The following RTF2 variants were observed in gnomAD, a reference collection of about 807,000 sequenced individuals.
RTF2 encodes UPF0549 protein C20orf43.
A neutral mutation model predicts 38.0 loss-of-function variants in RTF2; 18 were observed. That is an observed-to-expected ratio of 0.47 (90% CI 0.33 to 0.70). The LOEUF (loss-of-function observed/expected upper bound fraction) is 0.70, where lower values mean the gene tolerates loss of function less well. RTF2 is among the 30% of genes least tolerant of loss of function. RTF2 has a pLI of 0.02. For missense variants in RTF2, 311 were observed against 379.6 expected (o/e 0.82, Z 1.50); for synonymous variants, 126 against 137.1 (o/e 0.92, Z 0.57).
chr20:56,469,562 A>G (rs1981853503), intron 1 of RTF2, among the ~76,000 whole-genome samples: 1 of 152,242 alleles, frequency 6.6e-6, no homozygotes, highest in African/African-American at 2.4e-5. Context: ...CTTTTTAATG[A>G]TAAAATATTT....
intron 4 of RTF2, among the ~76,000 whole-genome samples, chr20:56,483,546 C>G (rs949946464): frequency 6.6e-6 from 1 of 152,154 alleles, no homozygotes; most frequent in African/African-American, 2.4e-5. Context: ...CCAGGCTAAT[C>G]TCAGACTCCT....
intron 5 of RTF2, among the ~76,000 whole-genome samples, chr20:56,485,179 G>T (rs1233969579): frequency 1.3e-5 from 2 of 152,168 alleles, no homozygotes; most frequent in African/African-American, 4.8e-5. Context: ...AGAGAGGCTG[G>T]CGTAGTGGTG....
chr20:56,472,271 T>G, intron 1 of RTF2: 1 of 999,694 alleles, frequency 1.0e-6, no homozygotes, highest in Non-Finnish European at 1.5e-6. Flanking sequence ...TGTCTTCTTT[T>G]TTTCTTTTCT....
At chr20:56,509,174 C>A (rs1984473627) in intron 5 of RTF2, among the ~76,000 whole-genome samples, 1 of 152,102 alleles carries the variant, frequency 6.6e-6, no homozygotes, top group African/African-American at 2.4e-5. Context: ...AAGAAATGGA[C>A]CAGGGATTTA....
At chr20:56,507,286 G>T (rs1169105045) in intron 5 of RTF2, among the ~76,000 whole-genome samples, 1 of 151,112 alleles carries the variant, frequency 6.6e-6, no homozygotes, top group Non-Finnish European at 1.5e-5. Context: ...TCATCCTTCA[G>T]GGATGAACCA....
At position 56,518,395 on chromosome 20, in the gene RTF2, C is replaced by A; in HGVS notation, c.*130C>A. On this transcript the variant is annotated 3_prime_UTR_variant, in exon 9 of 9. Coordinates refer to ENST00000357348, the MANE Select transcript of RTF2 (RefSeq NM_016407.5). ...TGTGTCATAAAGCTGTCCTGGCCAG[C>A]CTTCAAGCTGGTGTGGCCACTCTTG... 2.1e-6 allele frequency: 2 copies of A among 953,196 alleles called. No individual in the cohort carries two copies. Among genetic ancestry groups the A allele is most frequent in the Non-Finnish European group, 3.0e-6 (2 of 658,374 alleles). 59.0% of individuals were successfully genotyped at this position (953,196 alleles called of 1,614,324 possible). A position where few individuals can be genotyped will look rare whatever the true frequency, so the allele number is the denominator to read the frequency against.
At chr20:56,506,323 A>G (rs6092324) in intron 5 of RTF2, among the ~76,000 whole-genome samples, 61,475 of 151,972 alleles carry the variant, frequency 0.4, 13,408 homozygotes, top group East Asian at 0.93. Context: ...GCCATGGGGT[A>G]CTGCACAGGA....
intron 4 of RTF2, among the ~76,000 whole-genome samples, chr20:56,480,311 C>A (rs6127764): frequency 0.82 from 124,967 of 152,008 alleles, 51,526 homozygotes; most frequent in East Asian, 0.99. Flanking sequence ...CCAGTTTCCA[C>A]CTCTTCCTCT....
At chr20:56,474,617 T>A in intron 2 of RTF2, 61 bp from the exon 3 acceptor site, 1 of 1,052,080 alleles carries the variant, frequency 9.5e-7, no homozygotes, top group African/African-American at 1.6e-5. Flanking sequence ...AGTTTATTCT[T>A]CCTTCTTTGG....
At chr20:56,506,438 G>A (rs1281474370) in intron 5 of RTF2, among the ~76,000 whole-genome samples, 1 of 151,802 alleles carries the variant, frequency 6.6e-6, no homozygotes, top group African/African-American at 2.4e-5. Context: ...ATTATTGTAA[G>A]CACAAAGATT....
chr20:56,471,848 T>C (rs1479322483), intron 1 of RTF2, among the ~76,000 whole-genome samples: 2 of 152,232 alleles, frequency 1.3e-5, no homozygotes, highest in Non-Finnish European at 1.5e-5. Context: ...CATAGAGTTT[T>C]TCTGAGGATT....
At chr20:56,481,724 C>G (rs1004746239) in intron 4 of RTF2, among the ~76,000 whole-genome samples, 1 of 152,148 alleles carries the variant, frequency 6.6e-6, no homozygotes, top group African/African-American at 2.4e-5. Flanking sequence ...TTAGTACATT[C>G]ACAGTGTTGT....
Position 56,513,308 on chromosome 20 carries a change from T to C in RTF2, c.478-7T>C, listed in dbSNP as rs766099799. 8.2e-6 allele frequency: 13 copies of C among 1,588,226 alleles called. No homozygotes were observed. The South Asian group carries it at 1.5e-4, about 18-fold the overall frequency. On this transcript the variant is annotated splice_region_variant and splice_polypyrimidine_tract_variant and intron_variant, in intron 5 of 8. Coordinates refer to ENST00000357348, the MANE Select transcript of RTF2 (RefSeq NM_016407.5). Reference sequence around the variant, plus strand: ...GGAATCTGCCCTCTCTTGTTTGCCCTCTCCAGTGTGGGGCTGCCTTCCAGG... The same window carrying C: ...GGAATCTGCCCTCTCTTGTTTGCCCCCTCCAGTGTGGGGCTGCCTTCCAGG...
chr20:56,491,059 T>C (rs1363693600), intron 5 of RTF2, among the ~76,000 whole-genome samples: 1 of 152,190 alleles, frequency 6.6e-6, no homozygotes, highest in African/African-American at 2.4e-5. Context: ...CCAGATGAGC[T>C]CTGTTTTACC....
chr20:56,501,832 G>A (rs1983947327), intron 5 of RTF2, among the ~76,000 whole-genome samples: 1 of 152,150 alleles, frequency 6.6e-6, no homozygotes, highest in African/African-American at 2.4e-5. Flanking sequence ...CATGCCCACT[G>A]CACTCCAGCC....
At chr20:56,504,830 A>G (rs1984160414) in intron 5 of RTF2, among the ~76,000 whole-genome samples, 1 of 152,230 alleles carries the variant, frequency 6.6e-6, no homozygotes, top group East Asian at 1.9e-4. Context: ...TTGACGCCTA[A>G]GCGGGATGTG....
intron 4 of RTF2, among the ~76,000 whole-genome samples, chr20:56,479,620 G>C (rs1367187353): frequency 6.6e-6 from 1 of 152,134 alleles, no homozygotes; most frequent in African/African-American, 2.4e-5. Flanking sequence ...AATGGCAGAG[G>C]AAGCCTATGG....
In RTF2 at chr20:56,518,314, G is replaced by A. The variant is rs763636976; in HGVS notation, c.*49G>A. On this transcript the variant is annotated 3_prime_UTR_variant, in exon 9 of 9. Transcript: ENST00000357348. ...CCCCAGAAGGTTGTTTAGTTTCCAC[G>A]TAGGCAGGTCGCTTTGTGCCTCTGA... 8 of 1,561,106 alleles carry A rather than the reference G, an allele frequency of 5.1e-6. No individual in the cohort carries two copies. Among genetic ancestry groups the A allele is most frequent in the African/African-American group, 1.4e-5 (1 of 73,158 alleles).
chr20:56,514,861 A>C (rs1984919143), intron 6 of RTF2, among the ~76,000 whole-genome samples: 1 of 152,210 alleles, frequency 6.6e-6, no homozygotes. Context: ...TAAGATGTTA[A>C]TACAACATTC....
Sources: gnomAD v4.1 joint callset for allele counts (sites outside exome capture counted in the v4.1 genomes callset) on GRCh38, gnomAD v4.1.1 for gene constraint, MANE v1.5 for transcripts, NCBI Gene and HGNC (gene_info 2026-07-23, HGNC 2026-07-21) for gene names.